Variants in FRAS1 observed in about 807,000 individuals in gnomAD.
FRAS1 encodes Fraser extracellular matrix complex subunit 1.
FRAS1 carries 290 observed loss-of-function variants against 435.2 expected under a neutral mutation model. The ratio of observed to expected loss-of-function variants is 0.67; its 90% CI spans 0.61 to 0.73. The LOEUF (loss-of-function observed/expected upper bound fraction) is 0.73, where lower values mean the gene tolerates loss of function less well. Ranked by LOEUF, FRAS1 falls within the 30% of genes least tolerant of loss-of-function variation. The pLI, the probability that FRAS1 is intolerant of heterozygous loss-of-function variation, is 0.00. For missense variants in FRAS1, 4,860 were observed against 5,001.5 expected, an observed-to-expected ratio of 0.97 and a Z score of 0.85; for synonymous variants, 1,800 against 1,851.0, an observed-to-expected ratio of 0.97 and a Z score of 0.71.
chr4:78,096,067 G>A (rs535738138), intron 2 of FRAS1, among the ~76,000 whole-genome samples: 1 of 152,320 alleles, frequency 6.6e-6, no homozygotes, highest in South Asian at 2.1e-4. Context: ...TAGATACAAT[G>A]GAGTTACAGG....
Position 78,057,968 on chromosome 4 carries a change from T to G in FRAS1, c.-42T>G. 1 of 1,594,656 alleles carries G rather than the reference T, an allele frequency of 6.3e-7. No homozygotes were observed. Among genetic ancestry groups the G allele is most frequent in the Non-Finnish European group, 8.6e-7 (1 of 1,163,286 alleles). On this transcript the variant is annotated 5_prime_UTR_variant, in exon 1 of 74. It removes an upstream start codon present in the reference 5' UTR. Coordinates refer to ENST00000512123, the MANE Select transcript of FRAS1 (RefSeq NM_025074.7). This position sits in a 1 kb window ranked among gnomAD's most constrained non-coding sequence, Gnocchi z 4.2. Reference sequence around the variant, plus strand: ...CGTTTTGGCGGAGCCGCTTCTTGGATGCTGAAGGCTGGGCTCCTCCATCGT... The same window carrying G: ...CGTTTTGGCGGAGCCGCTTCTTGGAGGCTGAAGGCTGGGCTCCTCCATCGT...
intron 6 of FRAS1, among the ~76,000 whole-genome samples, chr4:78,264,077 A>G (rs558031450): frequency 5.9e-5 from 9 of 152,364 alleles, no homozygotes; most frequent in Admixed American, 3.9e-4. Flanking sequence ...TATCTTCTGT[A>G]TAAGATCTAC....
chr4:78,158,802 G>A (rs1721002285), intron 2 of FRAS1, among the ~76,000 whole-genome samples: 2 of 152,152 alleles, frequency 1.3e-5, no homozygotes, highest in Admixed American at 1.3e-4. Flanking sequence ...AAAGTAGGCT[G>A]ATCTTGGATT....
chr4:78,409,178 C>A (rs563831703), intron 31 of FRAS1, among the ~76,000 whole-genome samples: 2 of 149,294 alleles, frequency 1.3e-5, no homozygotes, highest in East Asian at 3.9e-4. Flanking sequence ...CATATGTTCT[C>A]TGGCTATTAT....
chr4:78,123,137 T>G (rs1719125477), intron 2 of FRAS1, among the ~76,000 whole-genome samples: 2 of 152,244 alleles, frequency 1.3e-5, no homozygotes, highest in Non-Finnish European at 2.9e-5. Context: ...TTGATCCATG[T>G]TCAGTTGATT....
chr4:78,510,645 G>GC (rs1340648558), intron 63 of FRAS1, among the ~76,000 whole-genome samples: 1 of 152,198 alleles, frequency 6.6e-6, no homozygotes, highest in East Asian at 1.9e-4. Flanking sequence ...CATTGCCTCT[G>GC]CATAGATTGA....
At chr4:78,204,718 C>G (rs1307436090) in intron 2 of FRAS1, among the ~76,000 whole-genome samples, 1 of 152,144 alleles carries the variant, frequency 6.6e-6, no homozygotes, top group African/African-American at 2.4e-5. Flanking sequence ...TTGACTAACT[C>G]TGAACTATTT....
chr4:78,319,588 A>G, intron 18 of FRAS1: 1 of 308,204 alleles, frequency 3.2e-6, no homozygotes, highest in Non-Finnish European at 6.6e-6. Flanking sequence ...TGAAAAAAAA[A>G]TCATTAGTTT....
At chr4:78,144,020 A>T (rs1051691753) in intron 2 of FRAS1, among the ~76,000 whole-genome samples, 11 of 152,002 alleles carry the variant, frequency 7.2e-5, no homozygotes, top group Admixed American at 6.6e-4. Context: ...TTTAGAAAAA[A>T]ATAAGTATTT....
chr4:78,398,443 T>C lies in FRAS1; in HGVS notation c.3976-2291T>C, dbSNP rs80163473. On this transcript the variant is annotated intron_variant, in intron 29 of 73. Transcript: ENST00000512123. ...AGTCTCTGCACATTGAGTCACAAGG[T>C]GTATTGTCTAAAAAGTTACACTCAC... 8.5e-4 allele frequency among the ~76,000 whole-genome samples: 129 copies of C among 152,284 alleles called. No homozygotes were observed. In the East Asian group the frequency reaches 0.02, roughly 24 times the overall value.
Position 78,539,572 on chromosome 4 carries a change from T to C in FRAS1, c.11445+132T>C, listed in dbSNP as rs942274315. The C allele has an allele frequency of 1.5e-5, 14 of 930,470 alleles. No individual in the cohort carries two copies. The African/African-American group carries it at 2.2e-4, about 15-fold the overall frequency. 57.6% of individuals were successfully genotyped at this position (930,470 alleles called of 1,614,324 possible). Reference sequence around the variant, plus strand: ...CTGCCATTCTTGCTGGCAGATCTTTTCTTATTGTTAAGCTTATCACCCACC... The same window carrying C: ...CTGCCATTCTTGCTGGCAGATCTTTCCTTATTGTTAAGCTTATCACCCACC... On this transcript the variant is annotated intron_variant, in intron 73 of 73. Transcript: ENST00000512123.
At chr4:78,201,627 C>T (rs969372631) in intron 2 of FRAS1, among the ~76,000 whole-genome samples, 2 of 152,226 alleles carry the variant, frequency 1.3e-5, no homozygotes, top group Middle Eastern at 3.4e-3. Flanking sequence ...TGAATTCTGA[C>T]GTTCTGACTC....
At position 78,374,114 on chromosome 4, in the gene FRAS1, G is replaced by C; in HGVS notation, c.3014G>C (p.Cys1005Ser). The part of the protein sequence containing the change: ...FYQDSGLCKN[C>S]DSYCLQCQGP... ...TGACTTGACTTTTGTCTTTCAGACT[G>C]TGACAGCTACTGTCTCCAGTGCCAA... Residue 1005 changes from cysteine (C) to serine (S), a missense_variant, in exon 25 of 74, where the codon TGT (cysteine) becomes TCT (serine). Physicochemically the swap from Cys to Ser is moderately radical, Grantham distance 112. Transcript: ENST00000512123. The C allele has an allele frequency of 6.3e-7, 1 of 1,575,048 alleles. No individual in the cohort carries two copies. The highest frequency in any genetic ancestry group is 8.7e-7 in the Non-Finnish European group (1 of 1,151,824).
At chr4:78,345,284 T>C (rs1050375610) in intron 20 of FRAS1, among the ~76,000 whole-genome samples, 1 of 152,166 alleles carries the variant, frequency 6.6e-6, no homozygotes, top group Non-Finnish European at 1.5e-5. Context: ...TGCTGGTAAT[T>C]CCCATTTTGT....
At chr4:78,118,522 G>A (rs1718802017) in intron 2 of FRAS1, among the ~76,000 whole-genome samples, 1 of 152,126 alleles carries the variant, frequency 6.6e-6, no homozygotes, top group East Asian at 1.9e-4. Flanking sequence ...GCAATGGTGG[G>A]CACCCCTCCC....
chr4:78,145,873 C>G (rs973780033), intron 2 of FRAS1, among the ~76,000 whole-genome samples: 1 of 152,092 alleles, frequency 6.6e-6, no homozygotes, highest in Non-Finnish European at 1.5e-5. Flanking sequence ...TGAGTTCTCA[C>G]GAGGTCTGAT....
intron 2 of FRAS1, among the ~76,000 whole-genome samples, chr4:78,076,282 T>C (rs910559057): frequency 6.6e-6 from 1 of 152,176 alleles, no homozygotes; most frequent in Non-Finnish European, 1.5e-5. Context: ...TGTGGCATTA[T>C]ATCAAGTAGA....
At chr4:78,121,608 C>A (rs1422068819) in intron 2 of FRAS1, among the ~76,000 whole-genome samples, 2 of 152,180 alleles carry the variant, frequency 1.3e-5, no homozygotes, top group Admixed American at 1.3e-4. Context: ...GCCTTGCCTA[C>A]TATGTAGGCA....
chr4:78,459,613 TG>T (rs1356836313), intron 47 of FRAS1, among the ~76,000 whole-genome samples: 1 of 152,260 alleles, frequency 6.6e-6, no homozygotes, highest in Non-Finnish European at 1.5e-5. Flanking sequence ...TGTCTTGGTT[TG>T]GGTTCTCCCT....
Sources: gnomAD v4.1 joint callset for allele counts (sites outside exome capture counted in the v4.1 genomes callset) on GRCh38, gnomAD v4.1.1 for gene constraint, Gnocchi (gnomAD v3.1) non-coding constraint, MANE v1.5 for transcripts, NCBI Gene and HGNC (gene_info 2026-07-23, HGNC 2026-07-21) for gene names.